Variants in PRKN observed in about 807,000 individuals in gnomAD.
PRKN encodes the protein parkin RBR E3 ubiquitin protein ligase, also known as E3 ubiquitin-protein ligase parkin.
In PRKN, 56 loss-of-function variants were observed where a neutral mutation model predicts 59.5. The ratio of observed to expected loss-of-function variants is 0.94; its 90% confidence interval spans 0.76 to 1.18. PRKN has a LOEUF of 1.18. Ranked by LOEUF, PRKN falls within the 50% of genes most tolerant of loss-of-function variation. PRKN has a pLI of 0.00. For synonymous variants in PRKN, 250 were observed against 222.1 expected (o/e 1.13, Z -1.12); for missense variants, 657 against 596.4 (o/e 1.10, Z -1.06).
At chr6:162,629,085 G>A (rs1184007193) in intron 1 of PRKN, among the ~76,000 whole-genome samples, 4 of 152,068 alleles carry the variant, frequency 2.6e-5, no homozygotes, top group Admixed American at 2.6e-4. Context: ...TGACATTTCA[G>A]GGGTTCCCTA....
intron 4 of PRKN, among the ~76,000 whole-genome samples, chr6:162,172,428 C>G (rs996572704): frequency 3.3e-5 from 5 of 152,194 alleles, no homozygotes; most frequent in African/African-American, 1.2e-4. Context: ...TGCCTGTTGC[C>G]TGAGCCTTAC....
chr6:161,436,337 G>C (rs569348259), intron 9 of PRKN, among the ~76,000 whole-genome samples: 19 of 150,738 alleles, frequency 1.3e-4, no homozygotes, highest in Non-Finnish European at 1.9e-4. Context: ...AGGCGGGATG[G>C]GAGGGCCTGC....
intron 4 of PRKN, among the ~76,000 whole-genome samples, chr6:162,079,796 A>T (rs969896549): frequency 6.6e-6 from 1 of 152,030 alleles, no homozygotes; most frequent in African/African-American, 2.4e-5. Flanking sequence ...TGCTTAGAAA[A>T]TTTTTTTACT....
At chr6:161,984,461 T>C (rs1210120607) in intron 5 of PRKN, among the ~76,000 whole-genome samples, 1 of 152,134 alleles carries the variant, frequency 6.6e-6, no homozygotes, top group African/African-American at 2.4e-5. Flanking sequence ...TTTTGCCATG[T>C]TGGCCAGGAT....
chr6:161,689,953 ACG>A (rs1002931174), intron 7 of PRKN, among the ~76,000 whole-genome samples: 5 of 4,880 alleles, frequency 1.0e-3, no homozygotes, highest in Admixed American at 9.4e-3. Context: ...CAAGGGATAC[ACG>A]CCCGCCTCGG....
In PRKN at chr6:162,718,585, C is replaced by T. The variant is rs185696025; in HGVS notation, c.7+9077G>A. On this transcript the variant is annotated intron_variant, in intron 1 of 11. Transcript: ENST00000366898. Reference sequence around the variant, plus strand: ...AAAATTAGCTGGGCATGGTGGCAGGCGCCTGTAGTCCCAGCTACTCGGGAG... The same window carrying T: ...AAAATTAGCTGGGCATGGTGGCAGGTGCCTGTAGTCCCAGCTACTCGGGAG... Among the ~76,000 whole-genome samples the T allele has an allele frequency of 3.5e-4, 53 of 152,006 alleles. No homozygotes were observed. The East Asian group carries it at 7.4e-3, about 21-fold the overall frequency.
chr6:162,553,798 T>A (rs1305136840), intron 1 of PRKN, among the ~76,000 whole-genome samples: 1 of 59,054 alleles, frequency 1.7e-5, no homozygotes, highest in Non-Finnish European at 2.8e-5. Flanking sequence ...CAAGAATCCA[T>A]CTCAAAAAAA....
chr6:162,533,644 G>A (rs1778600147), intron 1 of PRKN, among the ~76,000 whole-genome samples: 1 of 152,110 alleles, frequency 6.6e-6, no homozygotes, highest in Non-Finnish European at 1.5e-5. Context: ...CAGTGATCTT[G>A]CCCAAAATAC....
At chr6:162,566,028 A>C (rs1459227358) in intron 1 of PRKN, among the ~76,000 whole-genome samples, 2 of 152,206 alleles carry the variant, frequency 1.3e-5, no homozygotes, top group Non-Finnish European at 2.9e-5. Flanking sequence ...CAGCAAGACG[A>C]TATAAGAACT....
chr6:162,211,413 GA>G (rs1785192090), intron 3 of PRKN, among the ~76,000 whole-genome samples: 1 of 152,134 alleles, frequency 6.6e-6, no homozygotes, highest in Non-Finnish European at 1.5e-5. Context: ...TCTACAAATT[GA>G]ATGTTATCCC....
chr6:162,227,834 T>C (rs1778247074), intron 3 of PRKN, among the ~76,000 whole-genome samples: 1 of 152,012 alleles, frequency 6.6e-6, no homozygotes, highest in Non-Finnish European at 1.5e-5. Context: ...GCATGCCTTC[T>C]GGACAGAAAA....
chr6:162,191,631 C>T (rs1010594132), intron 4 of PRKN, among the ~76,000 whole-genome samples: 1 of 152,084 alleles, frequency 6.6e-6, no homozygotes, highest in Admixed American at 6.6e-5. Context: ...TTAGTAGAGA[C>T]AGGTTTTCAC....
chr6:162,417,755 C>A (rs868373639), intron 2 of PRKN, among the ~76,000 whole-genome samples: 1 of 152,186 alleles, frequency 6.6e-6, no homozygotes, highest in Non-Finnish European at 1.5e-5. Flanking sequence ...AGTTCATGAA[C>A]GTGTTTACGG....
intron 1 of PRKN, among the ~76,000 whole-genome samples, chr6:162,445,843 G>A (rs1790292750): frequency 6.6e-6 from 1 of 151,734 alleles, no homozygotes; most frequent in Non-Finnish European, 1.5e-5. Flanking sequence ...CCAGTGAGGA[G>A]CTAAGAGCAA....
chr6:161,669,305 G>A (rs1784827978), intron 7 of PRKN, among the ~76,000 whole-genome samples: 1 of 152,146 alleles, frequency 6.6e-6, no homozygotes, highest in Admixed American at 6.5e-5. Context: ...AGCCTGAAGG[G>A]ACCAAGACAC....
chr6:162,674,445 G>C (rs1584026490), intron 1 of PRKN, among the ~76,000 whole-genome samples: 1 of 152,172 alleles, frequency 6.6e-6, no homozygotes, highest in Middle Eastern at 3.2e-3. Context: ...AGGAGTCAGA[G>C]TACAACCAAG....
At chr6:161,474,735 C>T (rs1199732297) in intron 9 of PRKN, among the ~76,000 whole-genome samples, 1 of 151,400 alleles carries the variant, frequency 6.6e-6, no homozygotes, top group Admixed American at 6.6e-5. Context: ...GCTGGGACTA[C>T]AGGCACTCGC....
chr6:162,648,091 TGAGGA>T (rs981909667), intron 1 of PRKN, among the ~76,000 whole-genome samples: 11 of 151,604 alleles, frequency 7.3e-5, no homozygotes, highest in Admixed American at 2.6e-4. Context: ...AACAAATATC[TGAGGA>T]AAGGTGTAAA....
intron 2 of PRKN, among the ~76,000 whole-genome samples, chr6:162,322,599 C>T (rs1206624253): frequency 6.6e-6 from 1 of 152,048 alleles, no homozygotes; most frequent in Non-Finnish European, 1.5e-5. Context: ...ATAAATATAT[C>T]AATGGAACAA....
Sources: gnomAD v4.1 joint callset for allele counts (sites outside exome capture counted in the v4.1 genomes callset) on GRCh38, gnomAD v4.1.1 for gene constraint, MANE v1.5 for transcripts, NCBI Gene and HGNC (gene_info 2026-07-23, HGNC 2026-07-21) for gene names.